SLC6A3: variants seen among roughly 807,000 people sequenced by gnomAD.
SLC6A3 encodes solute carrier family 6 member 3.
In SLC6A3, 19 loss-of-function variants were observed where a neutral mutation model predicts 70.4. That is an observed-to-expected ratio of 0.27 (90% CI 0.19 to 0.40). The LOEUF is 0.40. Among genes scored for constraint, SLC6A3 ranks in the 10% least tolerant of loss-of-function variants. The pLI, the probability that SLC6A3 is intolerant of heterozygous loss-of-function variation, is 1.00. For missense variants in SLC6A3, 613 were observed against 838.5 expected (o/e 0.73, Z 3.32); for synonymous variants, 368 against 356.6 (o/e 1.03, Z -0.36).
Position 1,423,270 on chromosome 5 carries a change from A to G in SLC6A3, c.654-1256T>C, listed in dbSNP as rs1373192396. On this transcript the variant is annotated intron_variant, in intron 4 of 14. Transcript: ENST00000270349. ...GTGCTGGGTACCCACTGCTGCCCAC[A>G]GTGCTGCCCACGGTGCTGGGTACCC... Among the ~76,000 whole-genome samples, 17 of 61,894 alleles carry G rather than the reference A, an allele frequency of 2.7e-4. 3 individuals carry two copies. The highest frequency in any genetic ancestry group is 6.6e-4 in the African/African-American group (8 of 12,194). The allele number at this position is 61,894 out of a possible 152,430, so 40.6% of individuals were successfully genotyped here.
Position 1,394,802 on chromosome 5 carries a change from C to T in SLC6A3, c.1840-44G>A, listed in dbSNP as rs368155719. 2.5e-6 allele frequency: 4 copies of T among 1,611,940 alleles called. No homozygotes were observed. The highest frequency in any genetic ancestry group is 3.4e-6 in the Non-Finnish European group (4 of 1,178,234). ...TAGTCAGAAACCCTGGGGCGATGCC[C>T]CATTTAAGAGCAGCTGAAGGTGGCT... On this transcript the variant is annotated intron_variant, in intron 14 of 14. Coordinates refer to ENST00000270349, the MANE Select transcript of SLC6A3 (RefSeq NM_001044.5). The surrounding 1 kb of genome is among the most constrained non-coding windows in gnomAD (Gnocchi z 4.7).
In SLC6A3 at chr5:1,415,225, G is replaced by A. The variant is rs28382257; in HGVS notation, c.1032-410C>T. Among the ~76,000 whole-genome samples the A allele has an allele frequency of 5.3e-3, 814 of 152,258 alleles. 6 individuals carry two copies. Among genetic ancestry groups the A allele is most frequent in the Non-Finnish European group, 8.6e-3 (584 of 67,988 alleles). On this transcript the variant is annotated intron_variant, in intron 7 of 14. Coordinates refer to ENST00000270349, the MANE Select transcript of SLC6A3 (RefSeq NM_001044.5). ...GTGTTTCCCATGAACTCCCAAGGGC[G>A]CTGGTGCTGCGGGCCTGGGGGCCCC...
At chr5:1,415,043 G>T (rs762756102) in intron 7 of SLC6A3, among the ~76,000 whole-genome samples, 4 of 152,172 alleles carry the variant, frequency 2.6e-5, no homozygotes, top group Non-Finnish European at 2.9e-5. Context: ...AAGGCTCAGG[G>T]TGGGCAGAAC....
chr5:1,427,362 C>T (rs559078276), intron 4 of SLC6A3, among the ~76,000 whole-genome samples: 17 of 152,088 alleles, frequency 1.1e-4, no homozygotes, highest in South Asian at 2.1e-4. Flanking sequence ...ATAAAATCCA[C>T]GAAGAAATGA....
At chr5:1,410,945 C>A (rs901313846) in intron 9 of SLC6A3, among the ~76,000 whole-genome samples, 1 of 150,990 alleles carries the variant, frequency 6.6e-6, no homozygotes, top group Non-Finnish European at 1.5e-5. Flanking sequence ...TATGTGTGTG[C>A]GTGTATGTGT....
intron 2 of SLC6A3, 69 bp from the exon 3 acceptor site, chr5:1,441,559 G>A (rs1733670009): frequency 6.4e-7 from 1 of 1,569,144 alleles, no homozygotes; most frequent in Non-Finnish European, 8.7e-7. Context: ...GGGAGCTTGG[G>A]CGGCTACCCC....
chr5:1,395,965 C>A (rs190334613), intron 14 of SLC6A3, among the ~76,000 whole-genome samples: 51 of 152,308 alleles, frequency 3.3e-4, no homozygotes, highest in African/African-American at 1.2e-3. Flanking sequence ...CTAAGTGAGT[C>A]CCCAGAAACC....
Position 1,400,815 on chromosome 5 carries a change from C to CATCT in SLC6A3, c.1839+96_1839+99dup, listed in dbSNP as rs954442894. ...ACATGCTGGCTGAGTAAATGAGCAC[C>CATCT]ATCTACACCAGCCTCGGAGCCCCCT... On this transcript the variant is annotated intron_variant, in intron 14 of 14. Transcript: ENST00000270349. The CATCT allele has an allele frequency of 5.6e-5, 42 of 755,306 alleles. No homozygotes were observed. The Admixed American group carries it at 7.9e-4, about 14-fold the overall frequency. The allele number at this position is 755,306 out of a possible 1,614,324, so 46.8% of individuals were successfully genotyped here.
chr5:1,436,938 T>A lies in SLC6A3; in HGVS notation c.419-4240A>T, dbSNP rs1756849416. 6.6e-6 allele frequency among the ~76,000 whole-genome samples: 1 copy of A among 152,088 alleles called. No homozygotes were observed. The highest frequency in any genetic ancestry group is 2.4e-5 in the African/African-American group (1 of 41,418). On this transcript the variant is annotated intron_variant, in intron 3 of 14. Coordinates refer to ENST00000270349, the MANE Select transcript of SLC6A3 (RefSeq NM_001044.5). This position sits in a 1 kb window ranked among gnomAD's most constrained non-coding sequence, Gnocchi z 5.2. Reference sequence around the variant, plus strand: ...GCCCCTCCATACCTCACAGGAGGCATCAAGCAGGTCTTTGGAAGAAAGACG... The same window carrying A: ...GCCCCTCCATACCTCACAGGAGGCAACAAGCAGGTCTTTGGAAGAAAGACG...
chr5:1,443,883 G>A (rs28382218), intron 1 of SLC6A3, among the ~76,000 whole-genome samples: 3 of 151,912 alleles, frequency 2.0e-5, no homozygotes, highest in South Asian at 2.1e-4. Context: ...TTTTTGTAGA[G>A]ACAGGGTCTG....
intron 6 of SLC6A3, among the ~76,000 whole-genome samples, chr5:1,419,485 C>T (rs1314092841): frequency 6.6e-6 from 1 of 152,244 alleles, no homozygotes; most frequent in Non-Finnish European, 1.5e-5. Context: ...GCTGCCTATT[C>T]TTCCTAGCTG....
In SLC6A3 at chr5:1,404,497, C is replaced by A. The variant is rs1460755778; in HGVS notation, c.1600-1408G>T. 6.6e-6 allele frequency among the ~76,000 whole-genome samples: 1 copy of A among 152,242 alleles called. No individual in the cohort carries two copies. On this transcript the variant is annotated intron_variant, in intron 12 of 14. Coordinates refer to ENST00000270349, the MANE Select transcript of SLC6A3 (RefSeq NM_001044.5). This position sits in a 1 kb window ranked among gnomAD's most constrained non-coding sequence, Gnocchi z 5.2. ...TTAGAAAGAACTATGCCTCCCCAGG[C>A]CACAGTCTGCCCATGTAAGTTGCCT... is the stretch of plus-strand genomic sequence containing the variant.
chr5:1,417,146 G>C (rs1464711550), intron 6 of SLC6A3, among the ~76,000 whole-genome samples: 3 of 151,642 alleles, frequency 2.0e-5, no homozygotes, highest in African/African-American at 7.3e-5. Context: ...GAAACCCTCA[G>C]AACAGCACAG....
rs1265379159 is a variant in SLC6A3 at position 1,436,682 on chromosome 5, T to C, written c.419-3984A>G. Among the ~76,000 whole-genome samples, 1 of 152,080 alleles carries C rather than the reference T, an allele frequency of 6.6e-6. No individual in the cohort carries two copies. Among genetic ancestry groups the C allele is most frequent in the African/African-American group, 2.4e-5 (1 of 41,404 alleles). Reference sequence around the variant, plus strand: ...TATTCAATACAATCGAATGGTGGGGTTTCCAGGGCGTCTGTAAAATGGGGT... The same window carrying C: ...TATTCAATACAATCGAATGGTGGGGCTTCCAGGGCGTCTGTAAAATGGGGT... On this transcript the variant is annotated intron_variant, in intron 3 of 14. Transcript: ENST00000270349. This position sits in a 1 kb window ranked among gnomAD's most constrained non-coding sequence, Gnocchi z 5.2.
intron 4 of SLC6A3, 118 bp downstream of exon 4, chr5:1,432,346 C>G: frequency 1.3e-6 from 1 of 753,728 alleles, no homozygotes; most frequent in Non-Finnish European, 2.3e-6. Flanking sequence ...AGTGCAGGAA[C>G]AGATTCCCCC....
Position 1,408,980 on chromosome 5 carries a change from C to A in SLC6A3, c.1498+46G>T. 2 of 1,346,944 alleles carry A rather than the reference C, an allele frequency of 1.5e-6. No individual in the cohort carries two copies. The highest frequency in any genetic ancestry group is 1.2e-5 in the South Asian group (1 of 84,960). 83.4% of individuals were successfully genotyped at this position (1,346,944 alleles called of 1,614,324 possible). On this transcript the variant is annotated intron_variant, in intron 11 of 14. Coordinates refer to ENST00000270349, the MANE Select transcript of SLC6A3 (RefSeq NM_001044.5). This position sits in a 1 kb window ranked among gnomAD's most constrained non-coding sequence, Gnocchi z 6.4. ...TTTTTCAGAAGGGGAGTGGCACAGC[C>A]ACCAAACAAGAGGGTGCCGGCTTGG... is the stretch of plus-strand genomic sequence containing the variant.
At chr5:1,412,692 C>G (rs910394027) in intron 8 of SLC6A3, among the ~76,000 whole-genome samples, 1 of 152,108 alleles carries the variant, frequency 6.6e-6, no homozygotes, top group African/African-American at 2.4e-5. Context: ...TCTCCCAAGC[C>G]CAATCTGCCT....
intron 9 of SLC6A3, among the ~76,000 whole-genome samples, chr5:1,410,291 T>C (rs1286690007): frequency 1.3e-5 from 2 of 152,136 alleles, no homozygotes; most frequent in East Asian, 1.9e-4. Context: ...CATCCTCCTG[T>C]GGGACACCGT....
Position 1,405,115 on chromosome 5 carries a change from C to T in SLC6A3, c.1599+1073G>A, listed in dbSNP as rs770865922. ...GCCCCATGAATCCAGGAACCTTCAACGGGAGCCTTCACAAGCGCAGTTAAC... is the reference window on the plus strand; with the variant it reads ...GCCCCATGAATCCAGGAACCTTCAATGGGAGCCTTCACAAGCGCAGTTAAC... On this transcript the variant is annotated intron_variant, in intron 12 of 14. Transcript: ENST00000270349. This position sits in a 1 kb window ranked among gnomAD's most constrained non-coding sequence, Gnocchi z 5.3. 6.6e-5 allele frequency among the ~76,000 whole-genome samples: 10 copies of T among 152,292 alleles called. No homozygotes were observed. The highest frequency in any genetic ancestry group is 9.6e-5 in the African/African-American group (4 of 41,566).
Sources: gnomAD v4.1 joint callset for allele counts (sites outside exome capture counted in the v4.1 genomes callset) on GRCh38, gnomAD v4.1.1 for gene constraint, Gnocchi (gnomAD v3.1) non-coding constraint, MANE v1.5 for transcripts, NCBI Gene and HGNC (gene_info 2026-07-23, HGNC 2026-07-21) for gene names.